The following AFF3 variants were observed in gnomAD, a reference collection of about 807,000 sequenced individuals.
AFF3 encodes ALF transcription elongation factor 3.
AFF3 carries 32 observed loss-of-function variants against 129.7 expected under a neutral mutation model. The observed-to-expected ratio is 0.25, with a 90% CI of 0.19 to 0.33. The LOEUF (loss-of-function observed/expected upper bound fraction) is 0.33, where lower values mean the gene tolerates loss of function less well. Among genes scored for constraint, AFF3 ranks in the 10% least tolerant of loss-of-function variants. The pLI is 1.00. For missense variants in AFF3, 1,373 were observed against 1,592.0 expected, an observed-to-expected ratio of 0.86 and a Z score of 2.34; for synonymous variants, 644 against 635.4, an observed-to-expected ratio of 1.01 and a Z score of -0.20.
intron 22 of AFF3, among the ~76,000 whole-genome samples, chr2:99,556,427 G>A (rs1006983742): frequency 2.7e-4 from 41 of 152,010 alleles, no homozygotes; most frequent in Non-Finnish European, 4.4e-5. Context: ...GGGTGACGGA[G>A]CGAGACTCCG....
At chr2:99,972,862 C>T (rs954979840) in intron 7 of AFF3, among the ~76,000 whole-genome samples, 8 of 152,302 alleles carry the variant, frequency 5.3e-5, no homozygotes, top group African/African-American at 1.7e-4. Context: ...TGCCTCTTGG[C>T]TCCAGCTCTG....
chr2:99,610,481 G>C (rs114424723), intron 13 of AFF3, among the ~76,000 whole-genome samples: 38 of 152,278 alleles, frequency 2.5e-4, no homozygotes, highest in African/African-American at 8.9e-4. Flanking sequence ...TGTCATGAGA[G>C]CCATCCATGA....
At chr2:99,896,068 CAAAAAAAAAAA>C (rs58471464) in intron 7 of AFF3, among the ~76,000 whole-genome samples, 2 of 63,082 alleles carry the variant, frequency 3.2e-5, no homozygotes, top group East Asian at 6.4e-4. Flanking sequence ...GACTCCTTCT[CAAAAAAAAAAA>C]AAAAAAAAAA....
chr2:99,674,361 T>C (rs141762529), intron 11 of AFF3, among the ~76,000 whole-genome samples: 2 of 152,336 alleles, frequency 1.3e-5, no homozygotes, highest in Non-Finnish European at 2.9e-5. Context: ...GTGTTTCCTT[T>C]GTCCTTGAGT....
intron 20 of AFF3, among the ~76,000 whole-genome samples, chr2:99,561,291 G>C (rs960165431): frequency 9.9e-5 from 15 of 152,216 alleles, no homozygotes; most frequent in African/African-American, 3.6e-4. Flanking sequence ...TGGCTGGCTT[G>C]TAAATTGCTC....
chr2:100,032,835 GCTTA>G (rs1356749662), intron 4 of AFF3, among the ~76,000 whole-genome samples: 1 of 152,004 alleles, frequency 6.6e-6, no homozygotes, highest in Non-Finnish European at 1.5e-5. Flanking sequence ...TAAATTTATA[GCTTA>G]CTTATCTACC....
intron 8 of AFF3, among the ~76,000 whole-genome samples, chr2:99,785,030 T>C (rs1326932103): frequency 1.3e-5 from 2 of 152,228 alleles, no homozygotes; most frequent in African/African-American, 4.8e-5. Context: ...AGTGTTTGCA[T>C]ACAGCAGCGA....
intron 4 of AFF3, among the ~76,000 whole-genome samples, chr2:100,041,315 C>T (rs577020821): frequency 4.6e-5 from 7 of 152,262 alleles, no homozygotes; most frequent in African/African-American, 1.7e-4. Flanking sequence ...GAATGCTTGC[C>T]TAAAAGACAG....
At chr2:100,118,712 A>G (rs1691826380) in intron 2 of AFF3, among the ~76,000 whole-genome samples, 1 of 151,950 alleles carries the variant, frequency 6.6e-6, no homozygotes, top group Non-Finnish European at 1.5e-5. Flanking sequence ...TAACTTTCCT[A>G]TGCCCAAATC....
chr2:99,856,974 T>C (rs1690576946), intron 7 of AFF3, among the ~76,000 whole-genome samples: 2 of 152,130 alleles, frequency 1.3e-5, no homozygotes, highest in African/African-American at 2.4e-5. Context: ...CTGTTAGAAA[T>C]GAATGAGTTC....
chr2:99,797,404 AG>A (rs1216056194), intron 8 of AFF3, among the ~76,000 whole-genome samples: 4 of 152,148 alleles, frequency 2.6e-5, no homozygotes, highest in Non-Finnish European at 4.4e-5. Flanking sequence ...TGAAATACAG[AG>A]AGAAAAAAGA....
intron 8 of AFF3, 94 bp from the exon 9 acceptor site, chr2:99,752,395 G>T: frequency 1.1e-6 from 1 of 928,172 alleles, no homozygotes; most frequent in Non-Finnish European, 1.7e-6. Context: ...GCCTTCATAA[G>T]GCAGGGAAGG....
chr2:100,052,468 T>C lies in AFF3; in HGVS notation c.54-43536A>G, dbSNP rs1397927815. On this transcript the variant is annotated intron_variant, in intron 4 of 24. Coordinates refer to ENST00000672756, the MANE Select transcript of AFF3 (RefSeq NM_001386135.1). ...TGACCCAGTATGCTTGGGACCTACC[T>C]GGAGCTGACCATATCCTGCCTTCTA... is the stretch of plus-strand genomic sequence containing the variant. 3.9e-5 allele frequency among the ~76,000 whole-genome samples: 6 copies of C among 152,256 alleles called. No homozygotes were observed. In the East Asian group the frequency reaches 1.2e-3, roughly 30 times the overall value.
intron 10 of AFF3, among the ~76,000 whole-genome samples, chr2:99,732,718 C>T (rs987854574): frequency 1.3e-5 from 2 of 152,176 alleles, no homozygotes; most frequent in Non-Finnish European, 2.9e-5. Flanking sequence ...CTTCCTCATG[C>T]ACATGTTAGG....
intron 8 of AFF3, among the ~76,000 whole-genome samples, chr2:99,801,793 C>T (rs1405334028): frequency 6.6e-6 from 1 of 152,210 alleles, no homozygotes; most frequent in Non-Finnish European, 1.5e-5. Context: ...AATTCTATAG[C>T]ATGAGTTACT....
At chr2:99,733,367 G>A (rs1178813347) in intron 10 of AFF3, among the ~76,000 whole-genome samples, 21 of 120,332 alleles carry the variant, frequency 1.7e-4, no homozygotes, top group African/African-American at 5.3e-4. Context: ...GCGACAGAGC[G>A]AGACTCCGTC....
At chr2:99,978,159 C>G (rs1322639843) in intron 7 of AFF3, among the ~76,000 whole-genome samples, 1 of 152,158 alleles carries the variant, frequency 6.6e-6, no homozygotes, top group Admixed American at 6.5e-5. Context: ...GCCATTTCCC[C>G]TTTTAAAATG....
chr2:99,695,714 A>G (rs1436151349), intron 11 of AFF3, among the ~76,000 whole-genome samples: 1 of 151,886 alleles, frequency 6.6e-6, no homozygotes, highest in Non-Finnish European at 1.5e-5. Flanking sequence ...ACAACACAGT[A>G]CTCCATTTCT....
intron 7 of AFF3, among the ~76,000 whole-genome samples, chr2:99,877,311 G>T (rs1692376691): frequency 6.6e-6 from 1 of 152,240 alleles, no homozygotes; most frequent in South Asian, 2.1e-4. Flanking sequence ...AAGGGCAGGA[G>T]GAAGATGATG....
Sources: gnomAD v4.1 joint callset for allele counts (sites outside exome capture counted in the v4.1 genomes callset) on GRCh38, gnomAD v4.1.1 for gene constraint, MANE v1.5 for transcripts, NCBI Gene and HGNC (gene_info 2026-07-23, HGNC 2026-07-21) for gene names.